The following TBC1D9B variants were observed in gnomAD, a reference collection of about 807,000 sequenced individuals.
TBC1D9B encodes TBC1 domain family, member 9B (with GRAM domain).
TBC1D9B carries 87 observed loss-of-function variants against 121.1 expected under a neutral mutation model. The ratio of observed to expected loss-of-function variants is 0.72; its 90% CI spans 0.60 to 0.86. TBC1D9B has a LOEUF of 0.86. Among genes scored for constraint, TBC1D9B ranks in the 40% least tolerant of loss-of-function variants. TBC1D9B has a pLI of 0.00. For missense variants in TBC1D9B, 1,540 were observed against 1,628.6 expected (o/e 0.95, Z 0.94); for synonymous variants, 668 against 670.1 (o/e 1.00, Z 0.05).
Position 179,879,717 on chromosome 5 carries a change from A to T in TBC1D9B, c.1327T>A (p.Phe443Ile). 1 of 1,614,142 alleles carries T rather than the reference A, an allele frequency of 6.2e-7. No individual in the cohort carries two copies. The highest frequency in any genetic ancestry group is 1.7e-5 in the Admixed American group (1 of 60,028). ...PASPLSSRQS[F>I]CAQEAPTASQ... ...GCGGTTGGCGCCTCCTGCGCACAGA[A>T]GCTCTGGCGGCTGCTGAGGGGAGAG... The change falls in exon 8 of 21, where the codon TTC (phenylalanine) becomes ATC (isoleucine). Residue 443 changes from phenylalanine (F) to isoleucine (I), a missense_variant. Phe to Ile is a conservative substitution (Grantham distance 21). Coordinates refer to ENST00000355235, the MANE Select transcript of TBC1D9B (RefSeq NM_015043.4).
intron 2 of TBC1D9B, among the ~76,000 whole-genome samples, chr5:179,903,142 G>A (rs1487948659): frequency 6.6e-6 from 1 of 152,246 alleles, no homozygotes; most frequent in Non-Finnish European, 1.5e-5. Context: ...CAAGGGCACT[G>A]TGGCTTCTGC....
At chr5:179,882,917 T>C (rs535874583) in intron 7 of TBC1D9B, among the ~76,000 whole-genome samples, 1 of 152,356 alleles carries the variant, frequency 6.6e-6, no homozygotes, top group African/African-American at 2.4e-5. Flanking sequence ...TCTCTCAGGA[T>C]CGTGGCCCAT....
At chr5:179,873,434 C>T (rs947638348) in intron 12 of TBC1D9B, among the ~76,000 whole-genome samples, 186 bp from the exon 13 acceptor site, 1 of 152,228 alleles carries the variant, frequency 6.6e-6, no homozygotes, top group African/African-American at 2.4e-5. Flanking sequence ...TTGGGGAGCC[C>T]TCTACAGGGC....
chr5:179,891,666 C>A lies in TBC1D9B; in HGVS notation c.837-80G>T. 1 of 1,499,982 alleles carries A rather than the reference C, an allele frequency of 6.7e-7. No homozygotes were observed. Among genetic ancestry groups the A allele is most frequent in the Non-Finnish European group, 9.1e-7 (1 of 1,097,962 alleles). 92.9% of individuals were successfully genotyped at this position (1,499,982 alleles called of 1,614,324 possible). A position where few individuals can be genotyped will look rare whatever the true frequency, so the allele number is the denominator to read the frequency against. On this transcript the variant is annotated intron_variant, in intron 5 of 20. Transcript: ENST00000355235. This position sits in a 1 kb window ranked among gnomAD's most constrained non-coding sequence, Gnocchi z 4.3. ...CACTCTCAAGGAAGCCTTGGGGCCT[C>A]CCCAGGCCTGTTTCCACATCAGATT...
Position 179,875,041 on chromosome 5 carries a change from T to C in TBC1D9B, c.2047A>G (p.Ser683Gly), listed in dbSNP as rs1475731037. The C allele has an allele frequency of 6.2e-7, 1 of 1,613,996 alleles. No homozygotes were observed. Among genetic ancestry groups the C allele is most frequent in the African/African-American group, 1.3e-5 (1 of 75,028 alleles). ...TLFLSVMPFE[S>G]AVVIVDCFFY... ...AAGCAGTCGACGATGACCACGGCGC[T>C]CTCGAAGGGCATGACGCTGAGGAAG... The change falls in exon 12 of 21, where the codon AGC (serine) becomes GGC (glycine). Residue 683 changes from serine to glycine, a missense_variant. Transcript: ENST00000355235. This position sits in a 1 kb window ranked among gnomAD's most constrained non-coding sequence, Gnocchi z 4.5.
chr5:179,904,875 T>A lies in TBC1D9B; in HGVS notation c.119-63A>T. 7.5e-7 allele frequency: 1 copy of A among 1,337,964 alleles called. No homozygotes were observed. The highest frequency in any genetic ancestry group is 1.0e-6 in the Non-Finnish European group (1 of 977,260). 82.9% of individuals were successfully genotyped at this position (1,337,964 alleles called of 1,614,324 possible). A position where few individuals can be genotyped will look rare whatever the true frequency, so the allele number is the denominator to read the frequency against. On this transcript the variant is annotated intron_variant, in intron 1 of 20. Transcript: ENST00000355235. This position sits in a 1 kb window ranked among gnomAD's most constrained non-coding sequence, Gnocchi z 4.2. ...GGGCCGGACTGAGGCCCCTGAAGGC[T>A]GAGTCTGGCCGGAGGCAGACAGGAT...
At chr5:179,884,937 T>C (rs188509668) in intron 7 of TBC1D9B, among the ~76,000 whole-genome samples, 4 of 152,300 alleles carry the variant, frequency 2.6e-5, no homozygotes. Flanking sequence ...ATGGTGGTGA[T>C]GGCATAGCAA....
chr5:179,894,690 G>C (rs1760972311), intron 3 of TBC1D9B, 76 bp from the exon 4 acceptor site: 2 of 1,488,372 alleles, frequency 1.3e-6, no homozygotes, highest in African/African-American at 2.8e-5. Flanking sequence ...GAGAGGCCCA[G>C]GGAACCCAGG....
At chr5:179,894,645 C>G in intron 3 of TBC1D9B, 31 bp from the exon 4 acceptor site, 1 of 1,611,844 alleles carries the variant, frequency 6.2e-7, no homozygotes, top group Non-Finnish European at 8.5e-7. Flanking sequence ...AAGGGCTTGC[C>G]CTGCACAGTC....
At chr5:179,899,401 T>C in intron 2 of TBC1D9B, 94 bp from the exon 3 acceptor site, 1 of 1,051,932 alleles carries the variant, frequency 9.5e-7, no homozygotes, top group East Asian at 2.4e-5. Flanking sequence ...GGTGACCTCA[T>C]TTGCTAAATC....
intron 10 of TBC1D9B, 69 bp from the exon 11 acceptor site, chr5:179,876,106 C>A: frequency 7.9e-7 from 1 of 1,268,392 alleles, no homozygotes; most frequent in Non-Finnish European, 1.1e-6. Flanking sequence ...TCTCTCCCCA[C>A]CCCTCCCAGC....
intron 6 of TBC1D9B, among the ~76,000 whole-genome samples, chr5:179,888,828 G>A (rs1292204650): frequency 6.6e-6 from 1 of 152,196 alleles, no homozygotes; most frequent in Non-Finnish European, 1.5e-5. Context: ...GTCAGCAGGG[G>A]TGAGTGCTGG....
intron 3 of TBC1D9B, among the ~76,000 whole-genome samples, chr5:179,897,906 G>A (rs1761062023): frequency 6.6e-6 from 1 of 152,176 alleles, no homozygotes; most frequent in Non-Finnish European, 1.5e-5. Context: ...AGGAAGTTCT[G>A]GTATCAGGAA....
intron 10 of TBC1D9B, among the ~76,000 whole-genome samples, chr5:179,877,358 A>C (rs2113617115): frequency 6.6e-6 from 1 of 151,926 alleles, no homozygotes; most frequent in African/African-American, 2.4e-5. Context: ...AATAATTTAA[A>C]ATAAATTAAA....
Position 179,891,782 on chromosome 5 carries a change from G to A in TBC1D9B, c.837-196C>T, listed in dbSNP as rs1582097165. ...CATGCTGAGTGAGCAGGCAGAAGGTGAGACAGTCACATAACCAGCGGAGAA... is the reference window on the plus strand; with the variant it reads ...CATGCTGAGTGAGCAGGCAGAAGGTAAGACAGTCACATAACCAGCGGAGAA... On this transcript the variant is annotated intron_variant, in intron 5 of 20. Transcript: ENST00000355235. This position sits in a 1 kb window ranked among gnomAD's most constrained non-coding sequence, Gnocchi z 4.3. 6.6e-6 allele frequency among the ~76,000 whole-genome samples: 1 copy of A among 152,218 alleles called. No homozygotes were observed. Among genetic ancestry groups the A allele is most frequent in the Admixed American group, 6.5e-5 (1 of 15,284 alleles).
intron 20 of TBC1D9B, among the ~76,000 whole-genome samples, chr5:179,864,584 C>CCTGGGGAGGGGGGTG (rs1029099535): frequency 7.0e-6 from 1 of 143,138 alleles, no homozygotes; most frequent in Non-Finnish European, 1.5e-5. Context: ...GGAGGGGGAT[C>CCTGGGGAGGGGGGTG]CTGGGGAGGG....
At chr5:179,889,942 G>A (rs1256826636) in intron 6 of TBC1D9B, among the ~76,000 whole-genome samples, 3 of 150,754 alleles carry the variant, frequency 2.0e-5, no homozygotes, top group Non-Finnish European at 3.0e-5. Context: ...TAAAGCAGAT[G>A]ATGGTGTCTT....
rs1761363715 is a variant in TBC1D9B, at chr5:179,907,684, G to A, written c.118+20C>T. ...CCCAGCCGCGGCGCCCACAGGCCCG[G>A]CCGCCCGCGCGCCTCTCACCCGTAA... On this transcript the variant is annotated intron_variant, in intron 1 of 20. Coordinates refer to ENST00000355235, the MANE Select transcript of TBC1D9B (RefSeq NM_015043.4). The surrounding 1 kb of genome is among the most constrained non-coding windows in gnomAD (Gnocchi z 5.3). 2 of 1,069,148 alleles carry A rather than the reference G, an allele frequency of 1.9e-6. No homozygotes were observed. The highest frequency in any genetic ancestry group is 2.3e-6 in the Non-Finnish European group (2 of 872,458). 66.2% of individuals were successfully genotyped at this position (1,069,148 alleles called of 1,614,324 possible). A position where few individuals can be genotyped will look rare whatever the true frequency, so the allele number is the denominator to read the frequency against.
At chr5:179,903,414 G>A (rs764783120) in intron 2 of TBC1D9B, among the ~76,000 whole-genome samples, 15 of 152,186 alleles carry the variant, frequency 9.9e-5, no homozygotes, top group Non-Finnish European at 1.6e-4. Flanking sequence ...ACTCTTGGAC[G>A]GGTGAGTGCG....
Sources: gnomAD v4.1 joint callset for allele counts (sites outside exome capture counted in the v4.1 genomes callset) on GRCh38, gnomAD v4.1.1 for gene constraint, Gnocchi (gnomAD v3.1) non-coding constraint, MANE v1.5 for transcripts, NCBI Gene and HGNC (gene_info 2026-07-23, HGNC 2026-07-21) for gene names.